The following PTPN4 variants were observed in gnomAD, a reference collection of about 807,000 sequenced individuals.
The protein encoded by PTPN4 is tyrosine-protein phosphatase non-receptor type 4.
PTPN4 carries 49 observed loss-of-function variants against 135.5 expected under a neutral mutation model. The observed-to-expected ratio is 0.36, with a 90% CI of 0.29 to 0.46. The LOEUF is 0.46. Among genes scored for constraint, PTPN4 ranks in the 20% least tolerant of loss-of-function variants. The pLI is 1.00. For missense variants in PTPN4, 860 were observed against 1,101.0 expected, an observed-to-expected ratio of 0.78 and a Z score of 3.10; for synonymous variants, 333 against 369.9, an observed-to-expected ratio of 0.90 and a Z score of 1.14.
chr2:119,882,431 G>A (rs1678093775), intron 7 of PTPN4, 72 bp from the exon 8 acceptor site: 1 of 1,319,086 alleles, frequency 7.6e-7, no homozygotes, highest in East Asian at 2.6e-5. Flanking sequence ...AGAATTAATG[G>A]CATCGCTGAT....
chr2:119,906,220 TTATC>T (rs1266277653), intron 10 of PTPN4, among the ~76,000 whole-genome samples: 2 of 151,734 alleles, frequency 1.3e-5, no homozygotes, highest in Admixed American at 6.6e-5. Context: ...AAAGAAAAAA[TTATC>T]TAGGTGTGGT....
At chr2:119,939,477 T>C (rs542742242) in intron 15 of PTPN4, among the ~76,000 whole-genome samples, 1 of 152,180 alleles carries the variant, frequency 6.6e-6, no homozygotes, top group Non-Finnish European at 1.5e-5. Flanking sequence ...ATTTTTGTAT[T>C]TCTTGTGGAA....
At chr2:119,903,358 T>C (rs895797353) in intron 10 of PTPN4, among the ~76,000 whole-genome samples, 3 of 151,980 alleles carry the variant, frequency 2.0e-5, no homozygotes, top group African/African-American at 7.3e-5. Context: ...AGTGATAACA[T>C]CAAGGGCCTG....
intron 24 of PTPN4, among the ~76,000 whole-genome samples, chr2:119,965,168 C>G (rs998506144): frequency 7.9e-5 from 12 of 152,110 alleles, no homozygotes; most frequent in African/African-American, 2.9e-4. Context: ...CCAACTGAGT[C>G]AGTAGTTTCA....
chr2:119,914,399 C>T (rs1010556758), intron 10 of PTPN4, among the ~76,000 whole-genome samples: 2 of 151,946 alleles, frequency 1.3e-5, no homozygotes, highest in Admixed American at 6.6e-5. Flanking sequence ...CTCTTCTTCC[C>T]TATTCCAAAC....
chr2:119,975,452 G>A (rs11904838), intron 26 of PTPN4, among the ~76,000 whole-genome samples: 90 of 152,260 alleles, frequency 5.9e-4, no homozygotes, highest in African/African-American at 1.9e-3. Context: ...GGATGGGTGC[G>A]GTGGCTCACG....
intron 3 of PTPN4, 30 bp from the exon 4 acceptor site, chr2:119,877,293 A>G: frequency 6.3e-7 from 1 of 1,598,002 alleles, no homozygotes; most frequent in Non-Finnish European, 8.5e-7. Flanking sequence ...CAAGGAAAAA[A>G]GAAATCAGTT....
At chr2:119,796,814 T>G (rs1053910148) in intron 1 of PTPN4, among the ~76,000 whole-genome samples, 26 of 151,988 alleles carry the variant, frequency 1.7e-4, no homozygotes, top group African/African-American at 5.6e-4. Context: ...GAATGAGAGA[T>G]GTATTTTCTC....
At chr2:119,795,707 T>G (rs1484698059) in intron 1 of PTPN4, among the ~76,000 whole-genome samples, 1 of 152,242 alleles carries the variant, frequency 6.6e-6, no homozygotes, top group East Asian at 1.9e-4. Flanking sequence ...CTGTAACTTT[T>G]GCAGCAACAT....
chr2:119,845,080 G>C (rs1378565905), intron 2 of PTPN4, among the ~76,000 whole-genome samples: 10 of 149,360 alleles, frequency 6.7e-5, no homozygotes, highest in African/African-American at 2.0e-4. Flanking sequence ...GCGAAACCCC[G>C]TCTCCACCAA....
intron 15 of PTPN4, 21 bp downstream of exon 15, chr2:119,934,979 C>T (rs765379138): frequency 6.3e-7 from 1 of 1,587,972 alleles, no homozygotes; most frequent in Admixed American, 1.8e-5. Flanking sequence ...TTTTATTTTG[C>T]TTCCTCTGTA....
intron 1 of PTPN4, among the ~76,000 whole-genome samples, chr2:119,767,486 C>T (rs1254390085): frequency 1.3e-5 from 2 of 152,228 alleles, no homozygotes; most frequent in East Asian, 1.9e-4. Flanking sequence ...ACCTTCAGGT[C>T]GAACCTAGAT....
intron 2 of PTPN4, among the ~76,000 whole-genome samples, chr2:119,843,244 G>A (rs954478645): frequency 7.3e-5 from 6 of 82,042 alleles, no homozygotes; most frequent in South Asian, 3.9e-4. Flanking sequence ...TTTTTGCACC[G>A]CCCTTAATCC....
intron 8 of PTPN4, among the ~76,000 whole-genome samples, chr2:119,885,193 A>G (rs1201671280): frequency 1.3e-5 from 2 of 152,226 alleles, no homozygotes; most frequent in African/African-American, 4.8e-5. Flanking sequence ...TGTAGAATAT[A>G]ATAAAAATTA....
intron 13 of PTPN4, among the ~76,000 whole-genome samples, chr2:119,931,425 C>G (rs374587729): frequency 9.6e-6 from 1 of 103,978 alleles, no homozygotes; most frequent in Non-Finnish European, 2.1e-5. Flanking sequence ...ATCTTTCTTT[C>G]TTTCTTTCTT....
At chr2:119,814,488 C>A (rs1438539129) in intron 2 of PTPN4, among the ~76,000 whole-genome samples, 1 of 152,026 alleles carries the variant, frequency 6.6e-6, no homozygotes, top group East Asian at 1.9e-4. Flanking sequence ...CAGTCCTGAC[C>A]CTGCCTTCTC....
intron 10 of PTPN4, among the ~76,000 whole-genome samples, chr2:119,910,050 G>A (rs1232668828): frequency 1.3e-5 from 2 of 152,088 alleles, no homozygotes; most frequent in African/African-American, 4.8e-5. Flanking sequence ...AAAGAATATA[G>A]ACTATTTCAT....
At chr2:119,903,213 T>TA (rs1360687413) in intron 10 of PTPN4, among the ~76,000 whole-genome samples, 1 of 152,050 alleles carries the variant, frequency 6.6e-6, no homozygotes, top group African/African-American at 2.4e-5. Flanking sequence ...ACAGGGACAT[T>TA]ACCATTGACA....
At chr2:119,793,379 C>T (rs1050792852) in intron 1 of PTPN4, among the ~76,000 whole-genome samples, 15 of 152,138 alleles carry the variant, frequency 9.9e-5, no homozygotes, top group African/African-American at 3.6e-4. Flanking sequence ...CTCCCTTGTC[C>T]CCTGAACATC....
Sources: gnomAD v4.1 joint callset for allele counts (sites outside exome capture counted in the v4.1 genomes callset) on GRCh38, gnomAD v4.1.1 for gene constraint, MANE v1.5 for transcripts, NCBI Gene and HGNC (gene_info 2026-07-23, HGNC 2026-07-21) for gene names.